The following ZNF577 variants were observed in gnomAD, a reference collection of about 807,000 sequenced individuals.
The protein encoded by ZNF577 is zinc finger protein 577.
ZNF577 carries 14 observed loss-of-function variants against 13.9 expected under a neutral mutation model. The ratio of observed to expected loss-of-function variants is 1.00; its 90% CI spans 0.66 to 1.57. ZNF577 has a LOEUF of 1.57. Ranked by LOEUF, ZNF577 falls within the 40% of genes most tolerant of loss-of-function variation. ZNF577 has a pLI of 0.00. For synonymous variants in ZNF577, 203 were observed against 202.9 expected, an observed-to-expected ratio of 1.00 and a Z score of 0.00; for missense variants, 555 against 579.2, an observed-to-expected ratio of 0.96 and a Z score of 0.43.
intron 5 of ZNF577, among the ~76,000 whole-genome samples, chr19:51,852,348 C>T (rs956039326): frequency 2.6e-5 from 4 of 152,304 alleles, no homozygotes; most frequent in Admixed American, 6.5e-5. Flanking sequence ...CACGTCAGCA[C>T]GAGCATTTAC....
At chr19:51,880,627 T>C in intron 2 of ZNF577, 52 bp downstream of exon 2, 1 of 540,320 alleles carries the variant, frequency 1.9e-6, no homozygotes, top group East Asian at 3.2e-5. Flanking sequence ...TTTTACAAGC[T>C]TCCACAGACC....
At chr19:51,863,947 G>T (rs1276875676), downstream of ZNF577, among the ~76,000 whole-genome samples, 2 of 152,152 alleles carry the variant, frequency 1.3e-5, no homozygotes, top group African/African-American at 4.8e-5. Flanking sequence ...AAAACGTTTA[G>T]GCCGAAATCA....
At chr19:51,865,606 A>G (rs929355810), downstream of ZNF577, among the ~76,000 whole-genome samples, 1 of 152,340 alleles carries the variant, frequency 6.6e-6, no homozygotes, top group Admixed American at 6.5e-5. Context: ...AGAGAGAAAA[A>G]GGCACATTTT....
rs1171836493 is a variant in ZNF577, at chr19:51,867,642, G to T, written c.*4890C>A. 6.6e-6 allele frequency among the ~76,000 whole-genome samples: 1 copy of T among 151,062 alleles called. No homozygotes were observed. Among genetic ancestry groups the T allele is most frequent in the East Asian group, 1.9e-4 (1 of 5,178 alleles). On this transcript the variant is annotated 3_prime_UTR_variant, in exon 6 of 6. Coordinates refer to ENST00000638348, the MANE Select transcript of ZNF577 (RefSeq NM_001370449.1). ...ACAAAAAAAAAAAAAAAAATTAGCC[G>T]GGTGTGGTGGCAGGCACCTGTAATC...
At chr19:51,841,111 C>T (rs1040281155) in intron 8 of ZNF577, among the ~76,000 whole-genome samples, 1 of 152,188 alleles carries the variant, frequency 6.6e-6, no homozygotes, top group African/African-American at 2.4e-5. Flanking sequence ...GGGGTTCGGG[C>T]TGTGAGAAAC....
intron 9 of ZNF577, among the ~76,000 whole-genome samples, chr19:51,820,733 G>A (rs1462202596): frequency 1.3e-5 from 2 of 152,184 alleles, no homozygotes; most frequent in Non-Finnish European, 2.9e-5. Context: ...CAGTCTGATT[G>A]AGCTCCAACT....
At chr19:51,880,614 G>A (rs750074838) in intron 2 of ZNF577, 65 bp downstream of exon 2, 62 of 560,606 alleles carry the variant, frequency 1.1e-4, no homozygotes, top group Non-Finnish European at 1.7e-4. Context: ...TAACCAGACT[G>A]TCTTTTACAA....
chr19:51,870,869 T>C lies in ZNF577; in HGVS notation c.*1663A>G, dbSNP rs1169811565. On this transcript the variant is annotated 3_prime_UTR_variant, in exon 6 of 6. Transcript: ENST00000638348. Reference sequence around the variant, plus strand: ...TGGGGCAATCATAAGGCTCATCTCATTGTTTCCTTTCTGTCATGGAAAGCT... The same window carrying C: ...TGGGGCAATCATAAGGCTCATCTCACTGTTTCCTTTCTGTCATGGAAAGCT... Among the ~76,000 whole-genome samples, 3 of 152,172 alleles carry C rather than the reference T, an allele frequency of 2.0e-5. No individual in the cohort carries two copies. The highest frequency in any genetic ancestry group is 7.2e-5 in the African/African-American group (3 of 41,444).
At chr19:51,813,158 A>ACACC (rs2084110000) in intron 9 of ZNF577, among the ~76,000 whole-genome samples, 1 of 149,200 alleles carries the variant, frequency 6.7e-6, no homozygotes, top group Non-Finnish European at 1.5e-5. Context: ...ACACACACAC[A>ACACC]CACCCCATAA....
intron 5 of ZNF577, among the ~76,000 whole-genome samples, chr19:51,847,905 C>A (rs568246434): frequency 3.3e-5 from 5 of 152,174 alleles, no homozygotes; most frequent in Non-Finnish European, 7.3e-5. Context: ...AGCTATTATA[C>A]AAACTCAGTA....
chr19:51,857,406 G>GAA (rs1555745866), intron 5 of ZNF577, among the ~76,000 whole-genome samples: 5 of 123,522 alleles, frequency 4.0e-5, no homozygotes, highest in Non-Finnish European at 8.1e-5. Context: ...AAGAAAGAAA[G>GAA]AAAGAAAGAA....
chr19:51,877,100 C>G (rs2084777141), intron 5 of ZNF577, among the ~76,000 whole-genome samples, 182 bp downstream of exon 5: 1 of 152,080 alleles, frequency 6.6e-6, no homozygotes, highest in Non-Finnish European at 1.5e-5. Context: ...GAAAGGAAGA[C>G]ATTATCCTTT....
At chr19:51,827,802 T>A (rs2084239482) in intron 9 of ZNF577, among the ~76,000 whole-genome samples, 1 of 152,196 alleles carries the variant, frequency 6.6e-6, no homozygotes, top group African/African-American at 2.4e-5. Flanking sequence ...ACTCAGAAAT[T>A]GTCAATTCTG....
In ZNF577 at chr19:51,872,693, C is replaced by G; in HGVS notation, c.1297G>C (p.Val433Leu). ...PPLLNKSERL[V>L]GRNVVIVEQP... is the part of the protein sequence containing the mutation. ...TCCACAATCACTACATTTCTGCCCA[C>G]TAGGCGCTCACTCTTGTTTAACAAT... Residue 433 changes from valine (V) to leucine (L), a missense_variant, in exon 6 of 6, where the codon GTG becomes CTG. Physicochemically the swap from Val to Leu is conservative, Grantham distance 32. Coordinates refer to ENST00000638348, the MANE Select transcript of ZNF577 (RefSeq NM_001370449.1). 6.2e-7 allele frequency: 1 copy of G among 1,614,218 alleles called. No individual in the cohort carries two copies. The highest frequency in any genetic ancestry group is 8.5e-7 in the Non-Finnish European group (1 of 1,180,034).
rs751857471 is a variant in ZNF577, at chr19:51,878,446, G to C, written c.130C>G (p.Gln44Glu). Reference protein sequence around the residue: ...REEWQFLDQSQKVLYKEVMLE... With the variant: ...REEWQFLDQSEKVLYKEVMLE... ...ATTACTTCCTTGTACAAGACCTTCT[G>C]AGACTGGTCCAAAAACTGCCACTCC... The change falls in exon 4 of 6, where the codon CAG (glutamine) becomes GAG (glutamate). Residue 44 changes from glutamine to glutamate, a missense_variant. By Grantham distance (29) the Gln-to-Glu change is conservative. Coordinates refer to ENST00000638348, the MANE Select transcript of ZNF577 (RefSeq NM_001370449.1). The C allele has an allele frequency of 3.1e-6, 5 of 1,613,962 alleles. No homozygotes were observed. The highest frequency in any genetic ancestry group is 4.5e-5 in the East Asian group (2 of 44,884).
intron 9 of ZNF577, among the ~76,000 whole-genome samples, chr19:51,812,510 C>A (rs1397911731): frequency 9.2e-5 from 14 of 152,188 alleles, no homozygotes; most frequent in Admixed American, 9.2e-4. Flanking sequence ...ATTTTGCTCT[C>A]ATTCATTTGG....
chr19:51,879,206 A>G (rs1382783939), intron 3 of ZNF577, among the ~76,000 whole-genome samples: 5 of 151,670 alleles, frequency 3.3e-5, no homozygotes, highest in Admixed American at 2.6e-4. Flanking sequence ...GCAGGGAGCC[A>G]AGATTGCGCC....
chr19:51,829,212 ACTGGG>A (rs940951594), intron 9 of ZNF577, among the ~76,000 whole-genome samples: 10 of 152,208 alleles, frequency 6.6e-5, no homozygotes, highest in African/African-American at 2.2e-4. Context: ...AGGCTAGGGG[ACTGGG>A]CAGCTCACAG....
intron 2 of ZNF577, 71 bp downstream of exon 2, chr19:51,880,608 C>G (rs2084846695): frequency 3.5e-6 from 2 of 572,880 alleles, no homozygotes; most frequent in Non-Finnish European, 3.1e-6. Flanking sequence ...CTCATTTAAC[C>G]AGACTGTCTT....
Sources: allele counts gnomAD v4.1 joint callset (sites outside exome capture counted in the v4.1 genomes callset), GRCh38; gene constraint gnomAD v4.1.1; transcripts MANE v1.5; gene names NCBI Gene and HGNC (gene_info 2026-07-23, HGNC 2026-07-21).